The following FLRT2 variants were observed in gnomAD, a reference collection of about 807,000 sequenced individuals.
FLRT2 encodes leucine-rich repeat transmembrane protein FLRT2.
A neutral mutation model predicts 40.0 loss-of-function variants in FLRT2; 15 were observed. The observed-to-expected ratio is 0.38, with a 90% confidence interval of 0.25 to 0.58. The LOEUF (loss-of-function observed/expected upper bound fraction) is 0.58, where lower values mean the gene tolerates loss of function less well. Among genes scored for constraint, FLRT2 ranks in the 20% least tolerant of loss-of-function variants. The pLI is 0.71. For synonymous variants in FLRT2, 380 were observed against 336.8 expected, an observed-to-expected ratio of 1.13 and a Z score of -1.41; for missense variants, 726 against 840.0, an observed-to-expected ratio of 0.86 and a Z score of 1.68.
At chr14:85,571,051 C>T (rs576748711) in intron 1 of FLRT2, among the ~76,000 whole-genome samples, 11 of 152,034 alleles carry the variant, frequency 7.2e-5, no homozygotes, top group African/African-American at 9.7e-5. Flanking sequence ...TAGGTGGTGA[C>T]AGTAGATCTA....
chr14:85,534,692 G>A (rs895399801), intron 1 of FLRT2, among the ~76,000 whole-genome samples: 2 of 151,394 alleles, frequency 1.3e-5, no homozygotes, highest in Middle Eastern at 6.8e-3. Flanking sequence ...ATGCGCAGTG[G>A]TCCTAAGGTA....
rs943094736 is a variant in FLRT2 at position 85,632,053 on chromosome 14, T to G, written c.*8556T>G. 1 of 152,124 alleles carries G rather than the reference T, an allele frequency of 6.6e-6. No individual in the cohort carries two copies. Among genetic ancestry groups the G allele is most frequent in the African/African-American group, 2.4e-5 (1 of 41,430 alleles). The allele number at this position is 152,124 out of a possible 1,614,324, so 9.4% of individuals were successfully genotyped here. ...ATTGGCCAGGCTAGTCTCGAACTCC[T>G]GACCTCAGGTGATCCCCCCACCTAG... On this transcript the variant is annotated 3_prime_UTR_variant, in exon 2 of 2. Coordinates refer to ENST00000330753, the MANE Select transcript of FLRT2 (RefSeq NM_013231.6).
intron 1 of FLRT2, among the ~76,000 whole-genome samples, chr14:85,619,173 TC>T: frequency 6.6e-6 from 1 of 150,404 alleles, no homozygotes; most frequent in Middle Eastern, 3.4e-3. Context: ...CACCTCCGCC[TC>T]CCAGGCTCTG....
Position 85,637,276 on chromosome 14 carries a change from A to G in FLRT2, c.*13779A>G, listed in dbSNP as rs1894033110. On this transcript the variant is annotated 3_prime_UTR_variant, in exon 2 of 2. Transcript: ENST00000330753. ...TTAGAAAGTTAAACTGCAGTAATTA[A>G]AAGTCATATAAGAATCACCATGGCA... is the stretch of plus-strand genomic sequence containing the variant. 1 of 152,210 alleles carries G rather than the reference A, an allele frequency of 6.6e-6. No homozygotes were observed. Among genetic ancestry groups the G allele is most frequent in the African/African-American group, 2.4e-5 (1 of 41,460 alleles). 9.4% of individuals were successfully genotyped at this position (152,210 alleles called of 1,614,324 possible).
At chr14:85,532,512 G>T (rs1888349194) in intron 1 of FLRT2, among the ~76,000 whole-genome samples, 1 of 152,190 alleles carries the variant, frequency 6.6e-6, no homozygotes, top group African/African-American at 2.4e-5. Context: ...AACGTTGCCT[G>T]TACAGAAATC....
chr14:85,625,798 C>T lies in FLRT2; in HGVS notation c.*2301C>T, dbSNP rs1893656815. The T allele has an allele frequency of 6.0e-6, 1 of 166,868 alleles. No individual in the cohort carries two copies. Among genetic ancestry groups the T allele is most frequent in the African/African-American group, 2.4e-5 (1 of 41,392 alleles). 10.3% of individuals were successfully genotyped at this position (166,868 alleles called of 1,614,324 possible). A position where few individuals can be genotyped will look rare whatever the true frequency, so the allele number is the denominator to read the frequency against. ...AAAATTGTGCATTCAAATGATGGTA[C>T]TTTGACTTTTGAGGGTTTTTATTTC... On this transcript the variant is annotated 3_prime_UTR_variant, in exon 2 of 2. Transcript: ENST00000330753.
chr14:85,632,746 G>C lies in FLRT2; in HGVS notation c.*9249G>C, dbSNP rs1440660070. ...ATTGCCATGAGAATAGTCTTTCCTA[G>C]AAATGATATGCTTGTAAAGAAGGGA... On this transcript the variant is annotated 3_prime_UTR_variant, in exon 2 of 2. Transcript: ENST00000330753. 6.6e-6 allele frequency: 1 copy of C among 152,150 alleles called. No homozygotes were observed. Among genetic ancestry groups the C allele is most frequent in the African/African-American group, 2.4e-5 (1 of 41,436 alleles). 9.4% of individuals were successfully genotyped at this position (152,150 alleles called of 1,614,324 possible). A position where few individuals can be genotyped will look rare whatever the true frequency, so the allele number is the denominator to read the frequency against.
chr14:85,535,821 A>C (rs1346121397), intron 1 of FLRT2, among the ~76,000 whole-genome samples: 2 of 151,908 alleles, frequency 1.3e-5, no homozygotes, highest in Non-Finnish European at 2.9e-5. Context: ...GAGATACAAG[A>C]AATTGTAAAA....
Position 85,643,452 on chromosome 14 carries a change from G to A in FLRT2, c.*19955G>A, listed in dbSNP as rs1299960983. ...CTGTCACCCAGGCAGGAATGCAGTG[G>A]CGTGATCTCAGCTCACTGCAACCTC... On this transcript the variant is annotated 3_prime_UTR_variant, in exon 2 of 2. Coordinates refer to ENST00000330753, the MANE Select transcript of FLRT2 (RefSeq NM_013231.6). 2.0e-5 allele frequency: 3 copies of A among 151,514 alleles called. No homozygotes were observed. Among genetic ancestry groups the A allele is most frequent in the Non-Finnish European group, 4.4e-5 (3 of 68,234 alleles). 9.4% of individuals were successfully genotyped at this position (151,514 alleles called of 1,614,324 possible).
intron 1 of FLRT2, among the ~76,000 whole-genome samples, chr14:85,595,683 C>T (rs1892107834): frequency 6.6e-6 from 1 of 152,054 alleles, no homozygotes; most frequent in East Asian, 1.9e-4. Flanking sequence ...AACTGCCTAC[C>T]ATGTTCAAAG....
chr14:85,632,846 A>C lies in FLRT2; in HGVS notation c.*9349A>C, dbSNP rs1893913983. On this transcript the variant is annotated 3_prime_UTR_variant, in exon 2 of 2. Transcript: ENST00000330753. ...CTTTGGAATCCTGCTTCAACCACTG[A>C]CCTGCCAATTTGCCTTGGCAATAAC... 6.6e-6 allele frequency: 1 copy of C among 152,232 alleles called. No individual in the cohort carries two copies. Among genetic ancestry groups the C allele is most frequent in the Admixed American group, 6.5e-5 (1 of 15,282 alleles). 9.4% of individuals were successfully genotyped at this position (152,232 alleles called of 1,614,324 possible).
chr14:85,560,794 C>T (rs1276302070), intron 1 of FLRT2: 3 of 150,888 alleles, frequency 2.0e-5, no homozygotes, highest in Non-Finnish European at 2.9e-5. Flanking sequence ...AGCCTGCCTG[C>T]GTTAGGGTCT....
rs1893663073 is a variant in FLRT2 at position 85,625,906 on chromosome 14, T to A, written c.*2409T>A. 1 of 167,098 alleles carries A rather than the reference T, an allele frequency of 6.0e-6. No homozygotes were observed. Among genetic ancestry groups the A allele is most frequent in the Non-Finnish European group, 1.5e-5 (1 of 68,112 alleles). 10.4% of individuals were successfully genotyped at this position (167,098 alleles called of 1,614,324 possible). On this transcript the variant is annotated 3_prime_UTR_variant, in exon 2 of 2. Transcript: ENST00000330753. ...GGATTTCTGGCTGCTGAAACCACTT[T>A]GGGCCAGGAAGAACAAGGATGAAGA...
At chr14:85,566,667 G>A (rs1385289002) in intron 1 of FLRT2, among the ~76,000 whole-genome samples, 7 of 150,088 alleles carry the variant, frequency 4.7e-5, no homozygotes, top group South Asian at 2.2e-4. Context: ...AAATACATAC[G>A]GTGGAATATA....
chr14:85,571,502 A>G (rs1890891300), intron 1 of FLRT2, among the ~76,000 whole-genome samples: 1 of 152,186 alleles, frequency 6.6e-6, no homozygotes, highest in Non-Finnish European at 1.5e-5. Flanking sequence ...GTTCCCTTCG[A>G]TTGACATGCT....
At chr14:85,616,424 T>C (rs1253068435) in intron 1 of FLRT2, among the ~76,000 whole-genome samples, 1 of 152,232 alleles carries the variant, frequency 6.6e-6, no homozygotes, top group Non-Finnish European at 1.5e-5. Flanking sequence ...GCCCAATGAT[T>C]TTGAAACATG....
intron 1 of FLRT2, among the ~76,000 whole-genome samples, chr14:85,555,900 T>C (rs1010054453): frequency 6.6e-6 from 1 of 151,840 alleles, no homozygotes; most frequent in Non-Finnish European, 1.5e-5. Context: ...AAGAAGAAAA[T>C]TGGAAGAAAG....
At chr14:85,590,241 C>A (rs1891821743) in intron 1 of FLRT2, among the ~76,000 whole-genome samples, 1 of 152,044 alleles carries the variant, frequency 6.6e-6, no homozygotes, top group Non-Finnish European at 1.5e-5. Context: ...GGGGTGGGGG[C>A]AGTGAGGCAA....
chr14:85,570,981 T>C (rs1167675775), intron 1 of FLRT2, among the ~76,000 whole-genome samples: 1 of 152,176 alleles, frequency 6.6e-6, no homozygotes, highest in East Asian at 1.9e-4. Context: ...AGAGTTTAGA[T>C]TTTAAAGCTT....
Sources: gnomAD v4.1 joint callset for allele counts (sites outside exome capture counted in the v4.1 genomes callset) on GRCh38, gnomAD v4.1.1 for gene constraint, MANE v1.5 for transcripts, NCBI Gene and HGNC (gene_info 2026-07-23, HGNC 2026-07-21) for gene names.